FBN2: variants seen among roughly 807,000 people sequenced by gnomAD.
FBN2 encodes fibrillin-2.
A neutral mutation model predicts 355.6 loss-of-function variants in FBN2; 105 were observed. The observed-to-expected ratio is 0.30, with a 90% CI of 0.25 to 0.35. The LOEUF is 0.35. FBN2 is among the 10% of genes least tolerant of loss of function. The pLI, the probability that FBN2 is intolerant of heterozygous loss-of-function variation, is 1.00. For synonymous variants in FBN2, 1,350 were observed against 1,301.2 expected (o/e 1.04, Z -0.81); for missense variants, 3,280 against 3,758.7 (o/e 0.87, Z 3.33).
intron 5 of FBN2, among the ~76,000 whole-genome samples, chr5:128,497,395 T>C (rs191278669): frequency 4.7e-4 from 71 of 152,284 alleles, no homozygotes; most frequent in African/African-American, 1.7e-3. Context: ...TCATCACAAA[T>C]CTAATCCCAA....
Position 128,361,559 on chromosome 5 carries a change from T to G in FBN2, c.2554+164A>C, listed in dbSNP as rs573332977. Among the ~76,000 whole-genome samples the G allele has an allele frequency of 7.9e-5, 12 of 152,290 alleles. No individual in the cohort carries two copies. The South Asian group carries it at 2.5e-3, about 32-fold the overall frequency. On this transcript the variant is annotated intron_variant, in intron 19 of 64. Coordinates refer to ENST00000262464, the MANE Select transcript of FBN2 (RefSeq NM_001999.4). ...AATTGATGGTGTTTGTAAACTGTAT[T>G]AGGTCCTTACTATTTCAAAAACTGG...
chr5:128,414,296 C>T (rs1753141537), intron 7 of FBN2, among the ~76,000 whole-genome samples: 1 of 152,140 alleles, frequency 6.6e-6, no homozygotes, highest in Non-Finnish European at 1.5e-5. Flanking sequence ...CTATTCCTCT[C>T]CAAGCCCTAC....
intron 48 of FBN2, among the ~76,000 whole-genome samples, chr5:128,296,012 T>C (rs1379048460): frequency 3.9e-5 from 6 of 151,958 alleles, no homozygotes; most frequent in Non-Finnish European, 8.8e-5. Context: ...ATACGTCCCA[T>C]CAATACCTAA....
chr5:128,530,204 T>G (rs1195633385), intron 3 of FBN2, among the ~76,000 whole-genome samples: 6 of 152,198 alleles, frequency 3.9e-5, no homozygotes, highest in Non-Finnish European at 4.4e-5. Flanking sequence ...TTAATACATG[T>G]GAAGCAAAAT....
intron 8 of FBN2, among the ~76,000 whole-genome samples, chr5:128,406,678 A>G (rs549003342): frequency 6.6e-6 from 1 of 152,292 alleles, no homozygotes; most frequent in East Asian, 1.9e-4. Flanking sequence ...TGGGAAAAAG[A>G]GGAGTCATAC....
intron 16 of FBN2, among the ~76,000 whole-genome samples, chr5:128,367,355 C>T (rs1000460800): frequency 2.0e-5 from 3 of 152,112 alleles, no homozygotes; most frequent in East Asian, 1.9e-4. Context: ...TTTAATTATA[C>T]GGAGAGTGGG....
At chr5:128,351,035 T>C (rs777095543) in intron 20 of FBN2, 30 bp from the exon 21 acceptor site, 117 of 1,613,634 alleles carry the variant, frequency 7.3e-5, no homozygotes, top group Non-Finnish European at 9.7e-5. Flanking sequence ...GTTGGGGAGC[T>C]CTTACCTCTG....
chr5:128,405,383 C>T (rs1295115441), intron 8 of FBN2, among the ~76,000 whole-genome samples: 1 of 151,976 alleles, frequency 6.6e-6, no homozygotes, highest in East Asian at 1.9e-4. Context: ...AGAGATGACT[C>T]AGGAATACAG....
At chr5:128,471,050 T>C (rs1034737245) in intron 5 of FBN2, among the ~76,000 whole-genome samples, 2 of 152,186 alleles carry the variant, frequency 1.3e-5, no homozygotes, top group African/African-American at 2.4e-5. Flanking sequence ...TCAACTTGCA[T>C]GGTCTTTCAA....
chr5:128,485,139 T>G (rs1300318514), intron 5 of FBN2, among the ~76,000 whole-genome samples: 1 of 151,968 alleles, frequency 6.6e-6, no homozygotes, highest in Non-Finnish European at 1.5e-5. Flanking sequence ...TCCTCCTACC[T>G]CAGCCTCCCA....
At position 128,377,893 on chromosome 5, in the gene FBN2, A is replaced by G. The variant is rs753229763; in HGVS notation, c.1724-16T>C. 3.1e-6 allele frequency: 5 copies of G among 1,606,144 alleles called. 1 individual carries two copies. Among genetic ancestry groups the G allele is most frequent in the East Asian group, 2.2e-5 (1 of 44,830 alleles). ...TCATCAATATCTAGGAAGATTGAGAATGGCCAAACATCATTCTTTTACAAT... is the reference window on the plus strand; with the variant it reads ...TCATCAATATCTAGGAAGATTGAGAGTGGCCAAACATCATTCTTTTACAAT... On this transcript the variant is annotated splice_polypyrimidine_tract_variant and intron_variant, in intron 12 of 64. Coordinates refer to ENST00000262464, the MANE Select transcript of FBN2 (RefSeq NM_001999.4).
At chr5:128,304,198 G>A (rs976373030) in intron 45 of FBN2, among the ~76,000 whole-genome samples, 1 of 152,212 alleles carries the variant, frequency 6.6e-6, no homozygotes, top group Non-Finnish European at 1.5e-5. Context: ...AAGTAGCCAA[G>A]TTTTAAATTT....
chr5:128,387,658 T>C (rs748472630), intron 11 of FBN2, among the ~76,000 whole-genome samples: 15 of 152,192 alleles, frequency 9.9e-5, no homozygotes, highest in Admixed American at 8.5e-4. Context: ...TTATGTTGTA[T>C]CTTTGCTTTT....
intron 6 of FBN2, among the ~76,000 whole-genome samples, chr5:128,447,503 A>G (rs937047955): frequency 6.6e-6 from 1 of 152,184 alleles, no homozygotes; most frequent in African/African-American, 2.4e-5. Context: ...TTCCCGCCTA[A>G]TAAATTTTGG....
At chr5:128,467,820 A>G (rs2127088591) in intron 5 of FBN2, among the ~76,000 whole-genome samples, 1 of 152,254 alleles carries the variant, frequency 6.6e-6, no homozygotes, top group East Asian at 1.9e-4. Context: ...TGCTAGTTTG[A>G]TTTTCTAATA....
chr5:128,359,334 GA>G (rs1363670565), intron 19 of FBN2, among the ~76,000 whole-genome samples: 4 of 151,976 alleles, frequency 2.6e-5, no homozygotes, highest in African/African-American at 9.7e-5. Context: ...AATTAATTCA[GA>G]AAGAAGAGAA....
chr5:128,464,727 G>T lies in FBN2; in HGVS notation c.823C>A (p.Gln275Lys), dbSNP rs1361632761. 1 of 1,613,070 alleles carries T rather than the reference G, an allele frequency of 6.2e-7. No individual in the cohort carries two copies. The highest frequency in any genetic ancestry group is 1.7e-5 in the Admixed American group (1 of 60,022). ...CACAGGCAGACAGCTGACTCACCTT[G>T]GCAAGCTCCAGTGCGGATGTTGGGG... ...FIPNIRTGAC[Q>K]DVDECQAIPG... Residue 275 changes from glutamine to lysine, a missense_variant, in exon 6 of 65, where the codon CAA becomes AAA. Coordinates refer to ENST00000262464, the MANE Select transcript of FBN2 (RefSeq NM_001999.4).
chr5:128,418,126 T>C (rs989107299), intron 7 of FBN2, among the ~76,000 whole-genome samples: 7 of 152,132 alleles, frequency 4.6e-5, no homozygotes, highest in African/African-American at 1.2e-4. Flanking sequence ...CTGATTATAA[T>C]AGTCTTTAAT....
intron 5 of FBN2, among the ~76,000 whole-genome samples, chr5:128,507,868 G>A (rs1036634121): frequency 3.9e-5 from 6 of 151,944 alleles, no homozygotes; most frequent in African/African-American, 1.4e-4. Context: ...ATTGAGAGGG[G>A]GTACTGAAAT....
Sources: gnomAD v4.1 joint callset for allele counts (sites outside exome capture counted in the v4.1 genomes callset) on GRCh38, gnomAD v4.1.1 for gene constraint, MANE v1.5 for transcripts, NCBI Gene and HGNC (gene_info 2026-07-23, HGNC 2026-07-21) for gene names.